COLGALT2: variants seen among roughly 807,000 people sequenced by gnomAD.
COLGALT2 encodes collagen beta(1-O)galactosyltransferase 2.
Under a neutral mutation model 73.4 loss-of-function variants are expected in COLGALT2, and 49 were observed. The observed-to-expected ratio is 0.67, with a 90% CI of 0.53 to 0.85. COLGALT2 has a LOEUF of 0.85. Among genes scored for constraint, COLGALT2 ranks in the 40% least tolerant of loss-of-function variants. The probability of loss-of-function intolerance (pLI) is 0.00; values close to 1 mark genes in which losing one functional copy is unlikely to be tolerated. For synonymous variants in COLGALT2, 295 were observed against 307.6 expected (o/e 0.96, Z 0.43); for missense variants, 722 against 790.2 (o/e 0.91, Z 1.03).
intron 1 of COLGALT2, among the ~76,000 whole-genome samples, chr1:184,003,022 AT>A (rs1311412408): frequency 4.6e-5 from 7 of 152,342 alleles, no homozygotes; most frequent in African/African-American, 1.4e-4. Flanking sequence ...CAAACTAAAT[AT>A]TCAACAGTAG....
chr1:183,944,437 T>G, intron 9 of COLGALT2, 114 bp from the exon 10 acceptor site: 2 of 1,161,376 alleles, frequency 1.7e-6, no homozygotes, highest in Non-Finnish European at 2.4e-6. Context: ...ATAACTGGAA[T>G]CTAAGCAAAT....
intron 1 of COLGALT2, among the ~76,000 whole-genome samples, chr1:184,015,864 C>G (rs1648986555): frequency 6.6e-6 from 1 of 152,188 alleles, no homozygotes; most frequent in Non-Finnish European, 1.5e-5. Flanking sequence ...TAAGTCCCAG[C>G]TGTAGATGCC....
rs528350776 is a variant in COLGALT2, at chr1:183,937,926, G to A, written c.*835C>T. 1.2e-5 allele frequency: 12 copies of A among 985,256 alleles called. No homozygotes were observed. Among genetic ancestry groups the A allele is most frequent in the Admixed American group, 6.2e-5 (1 of 16,252 alleles). 61.0% of individuals were successfully genotyped at this position (985,256 alleles called of 1,614,324 possible). ...AAGCTCTGTAGCAGCGCGCAAACCC[G>A]GGACAGGGCAGGATGCACAGCCAGT... On this transcript the variant is annotated 3_prime_UTR_variant, in exon 12 of 12. Transcript: ENST00000361927.
chr1:184,000,922 C>G (rs980505656), intron 1 of COLGALT2, among the ~76,000 whole-genome samples: 2 of 151,416 alleles, frequency 1.3e-5, no homozygotes, highest in Non-Finnish European at 2.9e-5. Flanking sequence ...CTCTGCCTCC[C>G]GGGTTCACGC....
chr1:184,008,889 AT>A (rs1241351933), intron 1 of COLGALT2, among the ~76,000 whole-genome samples: 3 of 152,218 alleles, frequency 2.0e-5, no homozygotes, highest in African/African-American at 7.2e-5. Context: ...AATAATATGT[AT>A]AAAAACACTC....
chr1:183,954,832 C>T lies in COLGALT2; in HGVS notation c.959G>A (p.Arg320His), dbSNP rs114095532. The T allele has an allele frequency of 1.2e-5, 20 of 1,612,290 alleles. 2 individuals carry two copies. The highest frequency in any genetic ancestry group is 1.1e-4 in the South Asian group (10 of 91,052). The part of the protein sequence containing the change: ...IHVQIEAMID[R>H]PPMEPSQYVS... Reference sequence around the variant, plus strand: ...ATACTGGGAGGGTTCCATTGGAGGACGGTCAACTGGAAGACACAAGAAACA... The same window carrying T: ...ATACTGGGAGGGTTCCATTGGAGGATGGTCAACTGGAAGACACAAGAAACA... Residue 320 changes from arginine to histidine, a missense_variant, in exon 7 of 12, where the codon CGT (arginine) becomes CAT (histidine). Arg to His is a conservative substitution (Grantham distance 29). Transcript: ENST00000361927.
rs3828027 is a variant in COLGALT2, at chr1:183,938,118, A to G, written c.*643T>C. 0.57 allele frequency: 565,113 copies of G among 984,442 alleles called. 162,577 individuals are homozygous for G. Among genetic ancestry groups the G allele is most frequent in the African/African-American group, 0.59 (33,454 of 57,138 alleles). 61.0% of individuals were successfully genotyped at this position (984,442 alleles called of 1,614,324 possible). A position where few individuals can be genotyped will look rare whatever the true frequency, so the allele number is the denominator to read the frequency against. ...GCAAACTGGTCACCTCTATATGAGA[A>G]CTCCAACTGCCATGATGGTCACAGG... is the stretch of plus-strand genomic sequence containing the variant. On this transcript the variant is annotated 3_prime_UTR_variant, in exon 12 of 12. Transcript: ENST00000361927.
In COLGALT2 at chr1:184,037,469, A is replaced by G. The variant is rs1412586411; in HGVS notation, c.-112T>C. 3.3e-6 allele frequency: 4 copies of G among 1,201,576 alleles called. No homozygotes were observed. The highest frequency in any genetic ancestry group is 4.1e-6 in the Non-Finnish European group (4 of 970,138). The allele number at this position is 1,201,576 out of a possible 1,614,324, so 74.4% of individuals were successfully genotyped here. ...AGGGGCTGCGAGGGGCGGCCGGGGG[A>G]TGCGGCTTGCCGCGGCCGGCCGGCT... On this transcript the variant is annotated 5_prime_UTR_variant, in exon 1 of 12. Transcript: ENST00000361927.
intron 1 of COLGALT2, among the ~76,000 whole-genome samples, chr1:184,033,997 G>C (rs919057692): frequency 6.6e-6 from 1 of 152,200 alleles, no homozygotes; most frequent in South Asian, 2.1e-4. Context: ...AATCAGTTTG[G>C]CATCTTGGAA....
At chr1:184,014,191 C>T (rs957879595) in intron 1 of COLGALT2, among the ~76,000 whole-genome samples, 11 of 152,046 alleles carry the variant, frequency 7.2e-5, no homozygotes, top group African/African-American at 1.9e-4. Flanking sequence ...GGTTTTCCAA[C>T]GAAAAGAAAG....
At chr1:184,009,298 C>T (rs978896119) in intron 1 of COLGALT2, among the ~76,000 whole-genome samples, 8 of 152,150 alleles carry the variant, frequency 5.3e-5, no homozygotes, top group African/African-American at 1.9e-4. Flanking sequence ...TTTCAACATC[C>T]TGAAATTGCA....
intron 5 of COLGALT2, among the ~76,000 whole-genome samples, chr1:183,966,405 T>C (rs916148900): frequency 6.6e-6 from 1 of 152,206 alleles, no homozygotes; most frequent in Admixed American, 6.5e-5. Context: ...ATTGATGTAA[T>C]TATCCCTATC....
intron 1 of COLGALT2, among the ~76,000 whole-genome samples, chr1:184,004,457 T>C (rs1408184723): frequency 6.6e-6 from 1 of 152,236 alleles, no homozygotes; most frequent in Non-Finnish European, 1.5e-5. Context: ...CATCTTTAAC[T>C]GTGTTCTACA....
intron 1 of COLGALT2, among the ~76,000 whole-genome samples, chr1:184,013,354 G>A (rs542391993): frequency 4.6e-5 from 7 of 152,206 alleles, no homozygotes; most frequent in South Asian, 2.1e-4. Flanking sequence ...TGGGAGATTC[G>A]GTAAAGCACA....
At chr1:183,971,180 G>C (rs7515190) in intron 4 of COLGALT2, among the ~76,000 whole-genome samples, 104,950 of 152,026 alleles carry the variant, frequency 0.69, 36,424 homozygotes, top group East Asian at 0.85. Flanking sequence ...CTGTTCATTG[G>C]CCAGACAACA....
At chr1:183,970,851 A>G (rs724427) in intron 4 of COLGALT2, among the ~76,000 whole-genome samples, 2 of 152,300 alleles carry the variant, frequency 1.3e-5, no homozygotes, top group Middle Eastern at 3.4e-3. Flanking sequence ...CTTAAGGATC[A>G]TTTAACATCC....
At chr1:183,990,648 A>C (rs1240430302) in intron 1 of COLGALT2, among the ~76,000 whole-genome samples, 2 of 152,216 alleles carry the variant, frequency 1.3e-5, no homozygotes, top group African/African-American at 4.8e-5. Flanking sequence ...TTGAAGATTG[A>C]GCAGACATTA....
chr1:183,956,759 G>T (rs999103969), intron 6 of COLGALT2, among the ~76,000 whole-genome samples: 2 of 152,146 alleles, frequency 1.3e-5, no homozygotes. Context: ...AGCCACAAGT[G>T]GTTGGCTCCC....
chr1:183,975,247 G>C (rs753685285), intron 2 of COLGALT2, 33 bp from the exon 3 acceptor site: 1 of 1,314,390 alleles, frequency 7.6e-7, no homozygotes, highest in Non-Finnish European at 1.1e-6. Flanking sequence ...TCATTATTGA[G>C]TGCCTACATG....
Sources: gnomAD v4.1 joint callset for allele counts (sites outside exome capture counted in the v4.1 genomes callset) on GRCh38, gnomAD v4.1.1 for gene constraint, MANE v1.5 for transcripts, NCBI Gene and HGNC (gene_info 2026-07-23, HGNC 2026-07-21) for gene names.